The following XKR9 variants were observed in gnomAD, a reference collection of about 807,000 sequenced individuals.
The protein encoded by XKR9 is XK related 9.
XKR9 carries 32 observed loss-of-function variants against 32.0 expected under a neutral mutation model. The ratio of observed to expected loss-of-function variants is 1.00; its 90% CI spans 0.76 to 1.34. The LOEUF is 1.34. XKR9 is among the 40% of genes most tolerant of loss of function. The pLI is 0.00. For synonymous variants in XKR9, 168 were observed against 143.4 expected, an observed-to-expected ratio of 1.17 and a Z score of -1.22; for missense variants, 546 against 429.7, an observed-to-expected ratio of 1.27 and a Z score of -2.39.
At chr8:71,016,803 T>C in the XKR9 span, among the ~76,000 whole-genome samples, 31 of 151,724 alleles carry the variant, frequency 2.0e-4, no homozygotes, top group Non-Finnish European at 3.4e-4. Flanking sequence ...TTGAAGTACA[T>C]ATCTATTAAA....
At chr8:70,911,410 A>C in the XKR9 span, among the ~76,000 whole-genome samples, 4 of 152,302 alleles carry the variant, frequency 2.6e-5, no homozygotes, top group African/African-American at 7.2e-5. Flanking sequence ...TTGATGGTGC[A>C]GTTATTAGGG....
At chr8:70,688,574 G>A (rs1187633602) in intron 3 of XKR9, among the ~76,000 whole-genome samples, 9 of 152,006 alleles carry the variant, frequency 5.9e-5, no homozygotes, top group Admixed American at 3.9e-4. Context: ...CCGCCACCAC[G>A]CCTGGCTAAT....
intron 4 of XKR9, among the ~76,000 whole-genome samples, chr8:70,720,901 T>C (rs902687168): frequency 4.6e-5 from 7 of 152,228 alleles, no homozygotes; most frequent in African/African-American, 1.7e-4. Context: ...GTACCTCTGG[T>C]AGAATTCAAC....
intron 2 of XKR9, among the ~76,000 whole-genome samples, chr8:70,751,231 G>A (rs1217427113): frequency 6.6e-5 from 10 of 152,174 alleles, no homozygotes; most frequent in Non-Finnish European, 1.2e-4. Flanking sequence ...GGGGGTTTAA[G>A]GGATTCTCCC....
chr8:70,783,339 G>A (rs772637893), intron 2 of XKR9, among the ~76,000 whole-genome samples: 2 of 151,538 alleles, frequency 1.3e-5, no homozygotes, highest in Non-Finnish European at 2.9e-5. Context: ...CCATTGTCCT[G>A]CCTCAGCCTC....
intron 3 of XKR9, among the ~76,000 whole-genome samples, chr8:70,698,947 C>G (rs1805400628): frequency 6.6e-6 from 1 of 152,158 alleles, no homozygotes; most frequent in Non-Finnish European, 1.5e-5. Flanking sequence ...TAATGGCCTT[C>G]TTTGTCTCTT....
the XKR9 span, among the ~76,000 whole-genome samples, chr8:71,011,309 A>G: frequency 6.6e-6 from 1 of 152,222 alleles, no homozygotes; most frequent in Admixed American, 6.5e-5. Flanking sequence ...AACACATAGT[A>G]ACTGACGCTA....
chr8:70,805,630 G>C, the XKR9 span, among the ~76,000 whole-genome samples: 1 of 152,174 alleles, frequency 6.6e-6, no homozygotes, highest in Non-Finnish European at 1.5e-5. Context: ...CCAACACACT[G>C]GCTGTGGCAG....
At chr8:70,960,056 C>T in the XKR9 span, among the ~76,000 whole-genome samples, 1 of 152,022 alleles carries the variant, frequency 6.6e-6, no homozygotes, top group African/African-American at 2.4e-5. Flanking sequence ...ATGGAGAAGC[C>T]CTGTCTCTAC....
At chr8:70,728,036 T>G (rs1419167611) in intron 4 of XKR9, among the ~76,000 whole-genome samples, 1 of 152,140 alleles carries the variant, frequency 6.6e-6, no homozygotes, top group African/African-American at 2.4e-5. Flanking sequence ...CAGTCTAATC[T>G]CCAGGCAAGA....
chr8:70,753,466 A>G (rs1276810467), intron 2 of XKR9, among the ~76,000 whole-genome samples: 2 of 152,202 alleles, frequency 1.3e-5, no homozygotes, highest in African/African-American at 4.8e-5. Context: ...CAACCAAAAA[A>G]GAGAATTTTA....
At chr8:70,934,258 T>C in the XKR9 span, among the ~76,000 whole-genome samples, 1 of 152,056 alleles carries the variant, frequency 6.6e-6, no homozygotes, top group Admixed American at 6.6e-5. Context: ...GCAGAAGTAA[T>C]AGACTTCATG....
intron 4 of XKR9, among the ~76,000 whole-genome samples, chr8:70,717,169 G>T (rs1806120969): frequency 6.6e-6 from 1 of 152,192 alleles, no homozygotes; most frequent in African/African-American, 2.4e-5. Flanking sequence ...GGCATTGAGT[G>T]TCTGTGGTTT....
chr8:70,716,293 G>A (rs573404322), intron 4 of XKR9, among the ~76,000 whole-genome samples: 46 of 152,136 alleles, frequency 3.0e-4, no homozygotes, highest in Non-Finnish European at 6.0e-4. Context: ...TTTTTGAAAA[G>A]TAAGCAATAA....
At chr8:71,048,791 G>A in the XKR9 span, among the ~76,000 whole-genome samples, 9,796 of 152,190 alleles carry the variant, frequency 0.064, 458 homozygotes, top group Non-Finnish European at 0.092. Flanking sequence ...CTGAAGCACG[G>A]CAATGGGATA....
At chr8:71,033,120 A>T in the XKR9 span, among the ~76,000 whole-genome samples, 1 of 152,006 alleles carries the variant, frequency 6.6e-6, no homozygotes. Context: ...GGGAAACAGC[A>T]GGTAAAATAA....
chr8:70,776,248 G>A (rs1807518789), intron 2 of XKR9, among the ~76,000 whole-genome samples: 1 of 152,090 alleles, frequency 6.6e-6, no homozygotes, highest in East Asian at 1.9e-4. Context: ...TAATTGACAA[G>A]GGAGTTATTC....
At chr8:70,873,474 A>C in the XKR9 span, among the ~76,000 whole-genome samples, 2 of 152,202 alleles carry the variant, frequency 1.3e-5, no homozygotes, top group African/African-American at 2.4e-5. Flanking sequence ...CAACATTAGC[A>C]GGAATTTGGA....
At chr8:70,737,107 A>T (rs557263016), downstream of XKR9, among the ~76,000 whole-genome samples, 15 of 150,766 alleles carry the variant, frequency 9.9e-5, no homozygotes, top group African/African-American at 3.4e-4. Flanking sequence ...TGAGCATGGA[A>T]TGTTCTTCCA....
Sources: gnomAD v4.1 joint callset for allele counts (sites outside exome capture counted in the v4.1 genomes callset) on GRCh38, gnomAD v4.1.1 for gene constraint, MANE v1.5 for transcripts, NCBI Gene and HGNC (gene_info 2026-07-23, HGNC 2026-07-21) for gene names.